Variants in NRG3 observed in about 807,000 individuals in gnomAD.
NRG3 encodes the protein pro-neuregulin-3, membrane-bound isoform.
In NRG3, 31 loss-of-function variants were observed where a neutral mutation model predicts 66.9. That is an observed-to-expected ratio of 0.46 (90% CI 0.35 to 0.63). The LOEUF (loss-of-function observed/expected upper bound fraction) is 0.63. NRG3 is among the 20% of genes least tolerant of loss of function. The pLI, the probability that NRG3 is intolerant of heterozygous loss-of-function variation, is 0.00. For missense variants in NRG3, 910 were observed against 878.9 expected (o/e 1.04, Z -0.45); for synonymous variants, 393 against 359.4 (o/e 1.09, Z -1.06).
chr10:82,044,511 G>C (rs1051698393), intron 1 of NRG3, among the ~76,000 whole-genome samples: 1 of 151,856 alleles, frequency 6.6e-6, no homozygotes, highest in Non-Finnish European at 1.5e-5. Context: ...CATAGACAGC[G>C]ACCCCAGCTG....
intron 1 of NRG3, among the ~76,000 whole-genome samples, chr10:82,113,528 GA>G (rs1373084441): frequency 6.6e-6 from 1 of 152,172 alleles, no homozygotes; most frequent in Non-Finnish European, 1.5e-5. Flanking sequence ...TTTGGGTTAT[GA>G]AAAACTGAGA....
intron 1 of NRG3, among the ~76,000 whole-genome samples, chr10:82,143,650 G>T (rs1407145206): frequency 6.6e-6 from 1 of 152,166 alleles, no homozygotes; most frequent in African/African-American, 2.4e-5. Context: ...AGGTAGTCCT[G>T]GGGCCTTCAT....
chr10:82,953,277 T>G (rs1385864403), intron 5 of NRG3, among the ~76,000 whole-genome samples: 1 of 152,018 alleles, frequency 6.6e-6, no homozygotes, highest in African/African-American at 2.4e-5. Flanking sequence ...TTTCAAATAA[T>G]ACCAGAATTT....
intron 1 of NRG3, among the ~76,000 whole-genome samples, chr10:81,986,879 A>G (rs1330198681): frequency 1.3e-5 from 2 of 152,022 alleles, no homozygotes; most frequent in African/African-American, 4.8e-5. Context: ...ACAAGTACTC[A>G]TTACATTTCC....
chr10:82,484,483 C>T (rs1416604415), intron 2 of NRG3, among the ~76,000 whole-genome samples: 2 of 152,288 alleles, frequency 1.3e-5, no homozygotes, highest in East Asian at 3.9e-4. Flanking sequence ...GTTTTGTTGT[C>T]ATTACTGTTA....
chr10:82,046,202 A>T (rs1443882309), intron 1 of NRG3, among the ~76,000 whole-genome samples: 3 of 148,196 alleles, frequency 2.0e-5, no homozygotes, highest in Non-Finnish European at 3.0e-5. Context: ...ACCCATGAGC[A>T]TGGAATGTTC....
chr10:82,720,113 G>A (rs1168196792), intron 2 of NRG3, among the ~76,000 whole-genome samples: 7 of 152,156 alleles, frequency 4.6e-5, no homozygotes, highest in African/African-American at 1.7e-4. Context: ...GTTAAGGCTG[G>A]GCACAGTGGC....
At chr10:82,686,413 C>T (rs756464135) in intron 2 of NRG3, among the ~76,000 whole-genome samples, 4 of 152,092 alleles carry the variant, frequency 2.6e-5, no homozygotes, top group African/African-American at 9.7e-5. Context: ...GTCTTCAACT[C>T]CTGACCTCAG....
Position 82,900,292 on chromosome 10 carries a change from G to A in NRG3, c.1054+34855G>A, listed in dbSNP as rs11196384. Reference sequence around the variant, plus strand: ...CAACATGAGATTTGGGTGGGGACACGCATCCAATCTGGATTGCATATCCTC... The same window carrying A: ...CAACATGAGATTTGGGTGGGGACACACATCCAATCTGGATTGCATATCCTC... On this transcript the variant is annotated intron_variant, in intron 4 of 8. Transcript: ENST00000372141. Among the ~76,000 whole-genome samples the A allele has an allele frequency of 1.1e-4, 17 of 152,224 alleles. No individual in the cohort carries two copies. In the East Asian group the frequency reaches 1.7e-3, roughly 16 times the overall value.
intron 1 of NRG3, among the ~76,000 whole-genome samples, chr10:82,017,163 C>T (rs921884840): frequency 1.2e-4 from 19 of 152,226 alleles, no homozygotes; most frequent in African/African-American, 4.1e-4. Flanking sequence ...CAATTCCCAC[C>T]TGTGAGTGAG....
chr10:82,883,834 A>G (rs1273195843), intron 4 of NRG3, among the ~76,000 whole-genome samples: 1 of 152,110 alleles, frequency 6.6e-6, no homozygotes, highest in Non-Finnish European at 1.5e-5. Context: ...AGAGTAGCTC[A>G]TATGCAGTAA....
At chr10:82,079,001 A>G (rs1444028178) in intron 1 of NRG3, among the ~76,000 whole-genome samples, 4 of 152,146 alleles carry the variant, frequency 2.6e-5, no homozygotes, top group African/African-American at 4.8e-5. Context: ...GTGTTTGTGT[A>G]TATGTGTTGA....
chr10:82,323,921 A>G (rs564880772), intron 1 of NRG3, among the ~76,000 whole-genome samples: 2 of 152,208 alleles, frequency 1.3e-5, no homozygotes, highest in East Asian at 1.9e-4. Flanking sequence ...CTGGAGTGCA[A>G]TGGTGCGATC....
At chr10:82,043,237 T>G (rs965438335) in intron 1 of NRG3, among the ~76,000 whole-genome samples, 6 of 152,086 alleles carry the variant, frequency 3.9e-5, no homozygotes, top group African/African-American at 1.4e-4. Flanking sequence ...TGTACAAATC[T>G]ACACTATATT....
chr10:81,947,166 GT>G (rs1480553100), intron 1 of NRG3, among the ~76,000 whole-genome samples: 1 of 152,044 alleles, frequency 6.6e-6, no homozygotes, highest in African/African-American at 2.4e-5. Context: ...CTTGGTCTCT[GT>G]CTATTCGCAG....
At chr10:82,354,874 C>G (rs1205013136) in intron 1 of NRG3, among the ~76,000 whole-genome samples, 1 of 152,072 alleles carries the variant, frequency 6.6e-6, no homozygotes, top group Non-Finnish European at 1.5e-5. Flanking sequence ...GATAGCAGGG[C>G]CCACTCTGAA....
chr10:82,547,155 T>C (rs1381218702), intron 2 of NRG3, among the ~76,000 whole-genome samples: 2 of 152,116 alleles, frequency 1.3e-5, no homozygotes, highest in African/African-American at 4.8e-5. Flanking sequence ...TAAACCTAAG[T>C]TTTATTAAAT....
At chr10:82,954,436 A>G (rs992622734) in intron 5 of NRG3, among the ~76,000 whole-genome samples, 1 of 151,972 alleles carries the variant, frequency 6.6e-6, no homozygotes, top group East Asian at 1.9e-4. Flanking sequence ...TAATGAAAAC[A>G]ATCTTCAACA....
At chr10:82,709,372 GTTT>G (rs906452792) in intron 2 of NRG3, among the ~76,000 whole-genome samples, 993 of 90,654 alleles carry the variant, frequency 0.011, 9 homozygotes, top group African/African-American at 0.036. Context: ...TTTTGTTTTT[GTTT>G]TTTGTTTGTT....
Sources: gnomAD v4.1 joint callset for allele counts (sites outside exome capture counted in the v4.1 genomes callset) on GRCh38, gnomAD v4.1.1 for gene constraint, MANE v1.5 for transcripts, NCBI Gene and HGNC (gene_info 2026-07-23, HGNC 2026-07-21) for gene names.